Variants in TNS3 observed in about 807,000 individuals in gnomAD.
TNS3 encodes tensin-3.
A neutral mutation model predicts 140.9 loss-of-function variants in TNS3; 45 were observed. That is an observed-to-expected ratio of 0.32 (90% CI 0.25 to 0.41). The LOEUF is 0.41. Among genes scored for constraint, TNS3 ranks in the 10% least tolerant of loss-of-function variants. The pLI is 1.00. For synonymous variants in TNS3, 815 were observed against 788.4 expected (o/e 1.03, Z -0.56); for missense variants, 1,716 against 1,906.7 (o/e 0.90, Z 1.86).
chr7:47,539,442 A>C (rs1332371753), intron 1 of TNS3: 2 of 289,222 alleles, frequency 6.9e-6, no homozygotes, highest in Non-Finnish European at 1.4e-5. Flanking sequence ...CCTAAGGCGA[A>C]TCCGCATTCA....
rs1412624911 is a variant in TNS3, at chr7:47,441,980, G to T, written c.-23+23C>A. 9 of 1,288,944 alleles carry T rather than the reference G, an allele frequency of 7.0e-6. No homozygotes were observed. In the Middle Eastern group the frequency reaches 8.5e-4, roughly 121 times the overall value. 79.8% of individuals were successfully genotyped at this position (1,288,944 alleles called of 1,614,324 possible). A position where few individuals can be genotyped will look rare whatever the true frequency, so the allele number is the denominator to read the frequency against. On this transcript the variant is annotated intron_variant, in intron 5 of 30. Transcript: ENST00000311160. ...GACCTACAGCCAGAGACACAGGAATGCATGACCCACACAGACACTCACCGC... is the reference window on the plus strand; with the variant it reads ...GACCTACAGCCAGAGACACAGGAATTCATGACCCACACAGACACTCACCGC...
chr7:47,453,588 A>G (rs1796120060), intron 4 of TNS3, among the ~76,000 whole-genome samples: 1 of 152,214 alleles, frequency 6.6e-6, no homozygotes, highest in Admixed American at 6.5e-5. Flanking sequence ...TGAATTCAAC[A>G]TAACTAAATA....
intron 3 of TNS3, among the ~76,000 whole-genome samples, chr7:47,484,243 A>T (rs1797530808): frequency 6.6e-6 from 1 of 152,258 alleles, no homozygotes; most frequent in Non-Finnish European, 1.5e-5. Flanking sequence ...AGCACCAACC[A>T]GAGAAAAAGG....
chr7:47,437,109 T>TG (rs1795222423), intron 7 of TNS3, among the ~76,000 whole-genome samples, 154 bp downstream of exon 7: 2 of 151,808 alleles, frequency 1.3e-5, no homozygotes, highest in African/African-American at 4.8e-5. Flanking sequence ...TATTTCAAAC[T>TG]GAAAAAAAAG....
chr7:47,297,532 G>A (rs1786111440), intron 23 of TNS3, among the ~76,000 whole-genome samples: 1 of 152,136 alleles, frequency 6.6e-6, no homozygotes. Flanking sequence ...GAAGAACACA[G>A]GATTTCTGTT....
chr7:47,576,307 G>A (rs1037881357), intron 1 of TNS3, among the ~76,000 whole-genome samples: 6 of 152,074 alleles, frequency 3.9e-5, no homozygotes, highest in Non-Finnish European at 7.4e-5. Context: ...AACCCCACGT[G>A]GCTCCCACCC....
At chr7:47,328,353 T>C (rs1788145565) in intron 20 of TNS3, among the ~76,000 whole-genome samples, 1 of 152,168 alleles carries the variant, frequency 6.6e-6, no homozygotes, top group Non-Finnish European at 1.5e-5. Context: ...TTCCTTTTCA[T>C]TTCTTTTCAC....
chr7:47,486,802 T>C lies in TNS3; in HGVS notation c.-114-5661A>G, dbSNP rs116491415. On this transcript the variant is annotated intron_variant, in intron 3 of 30. Coordinates refer to ENST00000311160, the MANE Select transcript of TNS3 (RefSeq NM_022748.12). ...TTAAATTTCACTTTGTAAACAGCCA[T>C]ATAGAAAGTGACATTTTTCCATCAG... Among the ~76,000 whole-genome samples, 1,128 of 152,338 alleles carry C rather than the reference T, an allele frequency of 7.4e-3. 12 individuals are homozygous for C. The highest frequency in any genetic ancestry group is 0.026 in the African/African-American group (1,063 of 41,582).
chr7:47,421,320 T>C (rs1325551029), intron 10 of TNS3, among the ~76,000 whole-genome samples: 1 of 152,158 alleles, frequency 6.6e-6, no homozygotes, highest in Non-Finnish European at 1.5e-5. Flanking sequence ...CAGGCTGGCA[T>C]GCAGTGGGGC....
intron 18 of TNS3, among the ~76,000 whole-genome samples, chr7:47,345,912 G>A (rs921569235): frequency 2.6e-5 from 4 of 152,200 alleles, no homozygotes; most frequent in East Asian, 3.8e-4. Context: ...ATAGAGGCTC[G>A]AGTGCCCTGA....
At position 47,453,366 on chromosome 7, in the gene TNS3, T is replaced by G. The variant is rs186496429; in HGVS notation, c.-75-11311A>C. On this transcript the variant is annotated intron_variant, in intron 4 of 30. Coordinates refer to ENST00000311160, the MANE Select transcript of TNS3 (RefSeq NM_022748.12). ...ACTAGGGAGAACCGCCTCTCAAAAG[T>G]TCCCCCAGGAAAAACAAAACCTACT... is the stretch of plus-strand genomic sequence containing the variant. The G allele has an allele frequency of 1.8e-3, 1,039 of 562,770 alleles. 7 individuals are homozygous for G. In the Admixed American group the frequency reaches 0.023, roughly 12 times the overall value. 34.9% of individuals were successfully genotyped at this position (562,770 alleles called of 1,614,324 possible). A position where few individuals can be genotyped will look rare whatever the true frequency, so the allele number is the denominator to read the frequency against.
intron 17 of TNS3, among the ~76,000 whole-genome samples, chr7:47,346,704 C>T (rs982721858): frequency 3.3e-5 from 5 of 152,106 alleles, no homozygotes; most frequent in Non-Finnish European, 5.9e-5. Context: ...CTGACGATGA[C>T]CCAGCTGGGA....
At chr7:47,562,851 C>T (rs1800344905) in intron 1 of TNS3, among the ~76,000 whole-genome samples, 1 of 152,196 alleles carries the variant, frequency 6.6e-6, no homozygotes, top group Admixed American at 6.5e-5. Flanking sequence ...GGGAAAAAGA[C>T]TTTTCTCTCT....
At chr7:47,523,441 A>G (rs1218753508) in intron 2 of TNS3, among the ~76,000 whole-genome samples, 1 of 152,244 alleles carries the variant, frequency 6.6e-6, no homozygotes, top group Non-Finnish European at 1.5e-5. Flanking sequence ...TCAAGATCTC[A>G]GTGCACATAT....
intron 17 of TNS3, among the ~76,000 whole-genome samples, chr7:47,354,001 A>G (rs1226901004): frequency 6.7e-6 from 1 of 148,622 alleles, no homozygotes; most frequent in Non-Finnish European, 1.5e-5. Flanking sequence ...AAACACACAC[A>G]CACACACACA....
At chr7:47,470,276 G>A (rs1432561726) in intron 4 of TNS3, among the ~76,000 whole-genome samples, 3 of 152,050 alleles carry the variant, frequency 2.0e-5, no homozygotes, top group Non-Finnish European at 2.9e-5. Context: ...CTCCTTACCT[G>A]GGTCCAACAC....
intron 16 of TNS3, among the ~76,000 whole-genome samples, chr7:47,382,355 G>C (rs1002311136): frequency 1.3e-5 from 2 of 152,278 alleles, no homozygotes; most frequent in African/African-American, 2.4e-5. Context: ...GGCACCCACT[G>C]GTCTTCAGAT....
chr7:47,559,918 T>C (rs1381283389), intron 1 of TNS3, among the ~76,000 whole-genome samples: 1 of 151,936 alleles, frequency 6.6e-6, no homozygotes, highest in Non-Finnish European at 1.5e-5. Context: ...CTGAGAACAA[T>C]CCACACACAC....
Position 47,437,831 on chromosome 7 carries a change from T to G in TNS3, c.151-518A>C, listed in dbSNP as rs149559214. Among the ~76,000 whole-genome samples the G allele has an allele frequency of 6.3e-3, 902 of 144,132 alleles. 5 individuals carry two copies. Among genetic ancestry groups the G allele is most frequent in the Non-Finnish European group, 0.011 (711 of 66,016 alleles). The allele number at this position is 144,132 out of a possible 152,430, so 94.6% of individuals were successfully genotyped here. On this transcript the variant is annotated intron_variant, in intron 6 of 30. Transcript: ENST00000311160. ...AATATATATACACATATATATAAAA[T>G]AAATATCACGGTCTTGCTCCTGACA...
Sources: allele counts gnomAD v4.1 joint callset (sites outside exome capture counted in the v4.1 genomes callset), GRCh38; gene constraint gnomAD v4.1.1; transcripts MANE v1.5; gene names NCBI Gene and HGNC (gene_info 2026-07-23, HGNC 2026-07-21).